Variants in PPP2R5B observed in about 807,000 individuals in gnomAD.
PPP2R5B encodes protein phosphatase 2 regulatory subunit B'beta.
In PPP2R5B, 19 loss-of-function variants were observed where a neutral mutation model predicts 59.9. The ratio of observed to expected loss-of-function variants is 0.32; its 90% CI spans 0.22 to 0.47. PPP2R5B has a LOEUF of 0.47. PPP2R5B is among the 20% of genes least tolerant of loss of function. The pLI is 1.00. For synonymous variants in PPP2R5B, 286 were observed against 260.5 expected, an observed-to-expected ratio of 1.10 and a Z score of -0.94; for missense variants, 441 against 640.2, an observed-to-expected ratio of 0.69 and a Z score of 3.36.
Position 64,925,680 on chromosome 11 carries a change from C to G in PPP2R5B, c.-55C>G, listed in dbSNP as rs1476095302. ...CTGTCCAGTCTCACCCAGCACCTCC[C>G]AGGCCCAGAGAGAACCCCCGGGGCT... On this transcript the variant is annotated 5_prime_UTR_variant, in exon 2 of 14. Transcript: ENST00000164133. The surrounding 1 kb of genome is among the most constrained non-coding windows in gnomAD (Gnocchi z 4.6). The G allele has an allele frequency of 5.6e-6, 6 of 1,080,024 alleles. No homozygotes were observed. In the Admixed American group the frequency reaches 9.9e-5, roughly 18 times the overall value. The allele number at this position is 1,080,024 out of a possible 1,614,324, so 66.9% of individuals were successfully genotyped here.
chr11:64,926,624 C>G, intron 2 of PPP2R5B, 88 bp from the exon 3 acceptor site: 3 of 1,432,690 alleles, frequency 2.1e-6, no homozygotes, highest in Non-Finnish European at 2.9e-6. Flanking sequence ...GCAGAGGCAG[C>G]CGTGGAGATT....
At chr11:64,920,567 G>A (rs1367975967), upstream of PPP2R5B, among the ~76,000 whole-genome samples, 2 of 152,112 alleles carry the variant, frequency 1.3e-5, no homozygotes, top group Non-Finnish European at 2.9e-5. Context: ...GGAGGAAATG[G>A]GGTGTTGGGA....
At chr11:64,927,532 G>C (rs545848782) in intron 3 of PPP2R5B, among the ~76,000 whole-genome samples, 1 of 152,118 alleles carries the variant, frequency 6.6e-6, no homozygotes, top group African/African-American at 2.4e-5. Flanking sequence ...CAGTGAGACC[G>C]CATCACTACA....
upstream of PPP2R5B, among the ~76,000 whole-genome samples, chr11:64,921,784 AAACTTCATCTATAAATACATGG>A (rs930189004): frequency 1.1e-4 from 17 of 152,364 alleles, no homozygotes; most frequent in African/African-American, 3.8e-4. Context: ...CTGAAAAAGC[AAACTTCATCTATAAATACATGG>A]AACTTCATCT....
At position 64,933,882 on chromosome 11, in the gene PPP2R5B, G is replaced by A. The variant is rs1945256855; in HGVS notation, c.*38G>A. ...AAGGGGAAAAGCTAAACCCAGAGCT[G>A]TCAGTCCCTCTATCCCTTCTCCTGT... On this transcript the variant is annotated 3_prime_UTR_variant, in exon 14 of 14. Transcript: ENST00000164133. 1.4e-6 allele frequency: 2 copies of A among 1,481,100 alleles called. No homozygotes were observed. The highest frequency in any genetic ancestry group is 1.8e-6 in the Non-Finnish European group (2 of 1,113,218). 91.7% of individuals were successfully genotyped at this position (1,481,100 alleles called of 1,614,324 possible). A position where few individuals can be genotyped will look rare whatever the true frequency, so the allele number is the denominator to read the frequency against.
chr11:64,928,893 A>G (rs1396649350), intron 6 of PPP2R5B, among the ~76,000 whole-genome samples: 2 of 151,830 alleles, frequency 1.3e-5, no homozygotes, highest in African/African-American at 4.8e-5. Context: ...GGATGAACCC[A>G]GGAGGTGGAG....
intron 11 of PPP2R5B, among the ~76,000 whole-genome samples, 184 bp from the exon 12 acceptor site, chr11:64,932,581 G>A (rs1400307757): frequency 1.3e-5 from 2 of 152,136 alleles, no homozygotes; most frequent in Non-Finnish European, 2.9e-5. Flanking sequence ...CCGCAGCATT[G>A]GATTCCGTAT....
intron 13 of PPP2R5B, 95 bp downstream of exon 13, chr11:64,933,341 T>G: frequency 1.9e-6 from 2 of 1,064,300 alleles, no homozygotes; most frequent in Non-Finnish European, 2.8e-6. Context: ...CCCCAAACTC[T>G]GTCTGATCAG....
In PPP2R5B at chr11:64,930,578, T is replaced by C; in HGVS notation, c.880T>C (p.Phe294Leu). The change falls in exon 8 of 14, where the codon TTC becomes CTC. Residue 294 changes from phenylalanine (F) to leucine (L), a missense_variant. Phe to Leu is a conservative substitution (Grantham distance 22). Coordinates refer to ENST00000164133, the MANE Select transcript of PPP2R5B (RefSeq NM_006244.4). ...PLHSVKSLSVFHAQLAYCVVQ... is the reference protein window; with the variant it reads ...PLHSVKSLSVLHAQLAYCVVQ... Reference sequence around the variant, plus strand: ...GCACTCTGTCAAGTCGCTGTCTGTCTTCCATGCCCAGGTGAGGCCCAGGCC... The same window carrying C: ...GCACTCTGTCAAGTCGCTGTCTGTCCTCCATGCCCAGGTGAGGCCCAGGCC... The C allele has an allele frequency of 6.2e-7, 1 of 1,613,946 alleles. No individual in the cohort carries two copies. The highest frequency in any genetic ancestry group is 1.1e-5 in the South Asian group (1 of 91,078).
chr11:64,922,567 C>T (rs955678061), upstream of PPP2R5B, among the ~76,000 whole-genome samples: 2 of 151,940 alleles, frequency 1.3e-5, no homozygotes, highest in Non-Finnish European at 2.9e-5. Flanking sequence ...AGTTCAAATG[C>T]CACCACTTCA....
intron 13 of PPP2R5B, 122 bp downstream of exon 13, chr11:64,933,368 C>T (rs1469109524): frequency 1.2e-6 from 1 of 841,126 alleles, no homozygotes; most frequent in African/African-American, 1.7e-5. Flanking sequence ...CAAGACTGTC[C>T]ATGCTCCTGC....
At chr11:64,920,069 C>T (rs1945096393), upstream of PPP2R5B, among the ~76,000 whole-genome samples, 1 of 152,020 alleles carries the variant, frequency 6.6e-6, no homozygotes, top group Admixed American at 6.6e-5. Context: ...GCTGAGATTG[C>T]ACCACTGCAC....
Position 64,931,941 on chromosome 11 carries a change from C to A in PPP2R5B, c.1116+73C>A, listed in dbSNP as rs1416518992. ...GTTGGGTAGCTGACCTAATAAAGCT[C>A]CCTTTGCCCTCAGTTTCTCCTCCAA... On this transcript the variant is annotated intron_variant, in intron 11 of 13. Transcript: ENST00000164133. The surrounding 1 kb of genome is among the most constrained non-coding windows in gnomAD (Gnocchi z 5.0). The A allele has an allele frequency of 2.6e-6, 4 of 1,558,242 alleles. No individual in the cohort carries two copies. The highest frequency in any genetic ancestry group is 2.3e-4 in the Middle Eastern group (1 of 4,402).
In PPP2R5B at chr11:64,925,788, G is replaced by A; in HGVS notation, c.54G>A (p.Gly18=). ...ASTPTSPSSP[G]LSPVPPPDKV... is the part of the protein sequence containing the mutation. ...CCCCCACTAGCCCCTCCTCCCCCGG[G>A]CTGTCGCCTGTGCCCCCACCCGACA... The change falls in exon 2 of 14, where the codon GGG becomes GGA. Residue 18 remains glycine, a synonymous_variant. Transcript: ENST00000164133. The surrounding 1 kb of genome is among the most constrained non-coding windows in gnomAD (Gnocchi z 4.6). 1 of 1,590,960 alleles carries A rather than the reference G, an allele frequency of 6.3e-7. No individual in the cohort carries two copies. The highest frequency in any genetic ancestry group is 8.6e-7 in the Non-Finnish European group (1 of 1,166,454).
rs1312531085 is a variant in PPP2R5B, at chr11:64,931,898, C to G, written c.1116+30C>G. 1.9e-6 allele frequency: 3 copies of G among 1,607,114 alleles called. No individual in the cohort carries two copies. The highest frequency in any genetic ancestry group is 1.1e-5 in the South Asian group (1 of 90,350). The stretch of plus-strand genomic sequence containing the variant: ...GAGGCAGGACAGGCGGGGATGGGAG[C>G]AGGGCTGGCCTGGAAAGGTTGGGTA... On this transcript the variant is annotated intron_variant, in intron 11 of 13. Transcript: ENST00000164133. The surrounding 1 kb of genome is among the most constrained non-coding windows in gnomAD (Gnocchi z 5.0).
upstream of PPP2R5B, among the ~76,000 whole-genome samples, chr11:64,920,964 A>AT (rs1184803390): frequency 3.4e-4 from 16 of 46,414 alleles, no homozygotes; most frequent in South Asian, 1.7e-3. Flanking sequence ...TATATATGTA[A>AT]TTTTTTTTTT....
chr11:64,919,426 T>C (rs1011609666), intron 1 of PPP2R5B, among the ~76,000 whole-genome samples: 1 of 151,786 alleles, frequency 6.6e-6, no homozygotes, highest in African/African-American at 2.4e-5. Flanking sequence ...AGTACTGTGC[T>C]CACCAACTGA....
intron 11 of PPP2R5B, 60 bp from the exon 12 acceptor site, chr11:64,932,705 A>G (rs1377578752): frequency 6.3e-7 from 1 of 1,589,848 alleles, no homozygotes; most frequent in East Asian, 2.2e-5. Context: ...TGGACACCAG[A>G]CCTTGCACAC....
chr11:64,920,943 C>CTA (rs59230229), upstream of PPP2R5B, among the ~76,000 whole-genome samples: 30 of 134,914 alleles, frequency 2.2e-4, no homozygotes, highest in South Asian at 2.0e-3. Flanking sequence ...TCCAGCAGTT[C>CTA]TATATATATA....
Sources: gnomAD v4.1 joint callset for allele counts (sites outside exome capture counted in the v4.1 genomes callset) on GRCh38, gnomAD v4.1.1 for gene constraint, Gnocchi (gnomAD v3.1) non-coding constraint, MANE v1.5 for transcripts, NCBI Gene and HGNC (gene_info 2026-07-23, HGNC 2026-07-21) for gene names.